Variants in IL1RAPL1 observed in about 807,000 individuals in gnomAD.
The protein encoded by IL1RAPL1 is interleukin 1 receptor accessory protein like 1.
A neutral mutation model predicts 48.4 loss-of-function variants in IL1RAPL1; 3 were observed. The observed-to-expected ratio is 0.06, with a 90% CI of 0.03 to 0.16. The LOEUF (loss-of-function observed/expected upper bound fraction) is 0.16, where lower values mean the gene tolerates loss of function less well. Ranked by LOEUF, IL1RAPL1 falls within the 10% of genes least tolerant of loss-of-function variation. IL1RAPL1 has a pLI of 1.00. For synonymous variants in IL1RAPL1, 185 were observed against 187.7 expected (o/e 0.99, Z 0.12); for missense variants, 349 against 530.6 (o/e 0.66, Z 3.36).
chrX:29,518,192 A>G lies in IL1RAPL1; in HGVS notation c.703+118884A>G, dbSNP rs768679253. ...TGATTTTGGTAGAGCTTAAGCAATA[A>G]ATATGACAGATTACTGCCTTAGAGG... On this transcript the variant is annotated intron_variant, in intron 5 of 10. Coordinates refer to ENST00000378993, the MANE Select transcript of IL1RAPL1 (RefSeq NM_014271.4). 4.3e-3 allele frequency among the ~76,000 whole-genome samples: 483 copies of G among 112,005 alleles called. 4 individuals carry two copies. The highest frequency in any genetic ancestry group is 6.1e-3 in the Non-Finnish European group (325 of 53,198).
intron 2 of IL1RAPL1, among the ~76,000 whole-genome samples, chrX:29,050,714 A>G (rs1927074356): frequency 8.9e-6 from 1 of 112,302 alleles, no homozygotes; most frequent in South Asian, 3.7e-4. Context: ...GCACAATCAC[A>G]ATTTTGTGAA....
chrX:29,633,238 A>C (rs923882348), intron 5 of IL1RAPL1, among the ~76,000 whole-genome samples: 4 of 111,514 alleles, frequency 3.6e-5, no homozygotes, highest in Non-Finnish European at 7.5e-5. Flanking sequence ...TATGTGAAAG[A>C]AGCCAGAAAA....
chrX:29,191,302 ACTTTT>A (rs1054089817), intron 2 of IL1RAPL1, among the ~76,000 whole-genome samples: 4 of 111,902 alleles, frequency 3.6e-5, no homozygotes, highest in African/African-American at 1.3e-4. Flanking sequence ...CTTATCACTT[ACTTTT>A]CTTTTAAGTG....
chrX:29,776,567 C>T (rs759703232), intron 6 of IL1RAPL1, among the ~76,000 whole-genome samples: 1 of 111,708 alleles, frequency 9.0e-6, no homozygotes, highest in African/African-American at 3.2e-5. Context: ...TTATCATTTT[C>T]CACAGTTGGA....
intron 2 of IL1RAPL1, among the ~76,000 whole-genome samples, chrX:29,046,216 TAA>T (rs60842211): frequency 7.8e-5 from 8 of 102,459 alleles, no homozygotes; most frequent in Middle Eastern, 0.01. Context: ...ACTAGCTAAT[TAA>T]AAAAAAAAAA....
intron 2 of IL1RAPL1, among the ~76,000 whole-genome samples, chrX:29,215,246 G>A (rs976236712): frequency 9.1e-6 from 1 of 109,963 alleles, no homozygotes; most frequent in Non-Finnish European, 1.9e-5. Context: ...GGGAGGCTGA[G>A]GCAGGAGAAT....
intron 5 of IL1RAPL1, among the ~76,000 whole-genome samples, chrX:29,524,195 T>G (rs1455306520): frequency 4.4e-5 from 4 of 89,928 alleles, no homozygotes; most frequent in African/African-American, 1.3e-4. Context: ...TTTTTTTTTT[T>G]GCATACTTTG....
At chrX:29,672,370 T>G (rs1926162904) in intron 6 of IL1RAPL1, among the ~76,000 whole-genome samples, 1 of 111,914 alleles carries the variant, frequency 8.9e-6, no homozygotes, top group Non-Finnish European at 1.9e-5. Flanking sequence ...ACAAAATTAA[T>G]AAAAGTATAT....
At chrX:29,017,243 G>A (rs908827592) in intron 2 of IL1RAPL1, among the ~76,000 whole-genome samples, 15 of 112,317 alleles carry the variant, frequency 1.3e-4, no homozygotes, top group Non-Finnish European at 2.3e-4. Context: ...CCACTACCAC[G>A]TATTACGTGT....
intron 5 of IL1RAPL1, among the ~76,000 whole-genome samples, chrX:29,513,084 C>A (rs1935409897): frequency 9.0e-6 from 1 of 111,527 alleles, no homozygotes; most frequent in Non-Finnish European, 1.9e-5. Context: ...TTTCAGTTAC[C>A]AATATCACTA....
chrX:29,376,575 G>C (rs1392049434), intron 3 of IL1RAPL1, among the ~76,000 whole-genome samples: 1 of 110,349 alleles, frequency 9.1e-6, no homozygotes, highest in Non-Finnish European at 1.9e-5. Context: ...GTTTCACCAT[G>C]TCACCCAGGC....
intron 5 of IL1RAPL1, among the ~76,000 whole-genome samples, chrX:29,660,990 G>A (rs1925831322): frequency 8.9e-6 from 1 of 111,803 alleles, no homozygotes; most frequent in African/African-American, 3.2e-5. Context: ...TTTCATTTGT[G>A]TACATCCTCT....
chrX:28,850,141 T>C (rs188812975), intron 2 of IL1RAPL1, among the ~76,000 whole-genome samples: 156 of 112,516 alleles, frequency 1.4e-3, no homozygotes, highest in African/African-American at 4.9e-3. Context: ...TTTCTGCAAA[T>C]TGGAAGTAAA....
chrX:29,070,340 A>T (rs1927540299), intron 2 of IL1RAPL1, among the ~76,000 whole-genome samples: 1 of 111,351 alleles, frequency 9.0e-6, no homozygotes, highest in African/African-American at 3.3e-5. Context: ...TATGAACCTT[A>T]GAGTGTTTAT....
intron 2 of IL1RAPL1, among the ~76,000 whole-genome samples, chrX:29,008,970 C>T (rs1926057300): frequency 1.8e-5 from 2 of 111,000 alleles, no homozygotes; most frequent in Admixed American, 9.5e-5. Flanking sequence ...TGGCTTCCAG[C>T]TGCATCCATG....
At chrX:28,619,465 G>T (rs751862048) in intron 1 of IL1RAPL1, among the ~76,000 whole-genome samples, 1 of 108,799 alleles carries the variant, frequency 9.2e-6, no homozygotes, top group East Asian at 2.9e-4. Flanking sequence ...AAAATTAGCC[G>T]GCATAGTGGC....
intron 2 of IL1RAPL1, among the ~76,000 whole-genome samples, chrX:29,209,903 C>G (rs1930738292): frequency 8.9e-6 from 1 of 111,888 alleles, no homozygotes; most frequent in African/African-American, 3.2e-5. Context: ...GTGGTTGGTT[C>G]CTTTTGTATT....
intron 2 of IL1RAPL1, among the ~76,000 whole-genome samples, chrX:29,039,878 C>G (rs1285824628): frequency 2.7e-5 from 3 of 109,730 alleles, no homozygotes; most frequent in Non-Finnish European, 5.7e-5. Flanking sequence ...ATTTAGCATC[C>G]CTCAGGAGAT....
At chrX:29,770,517 T>A (rs1003568781) in intron 6 of IL1RAPL1, among the ~76,000 whole-genome samples, 61 of 111,995 alleles carry the variant, frequency 5.4e-4, no homozygotes, top group African/African-American at 1.8e-3. Context: ...AATCATAAGC[T>A]CTTTCAAGGA....
Sources: gnomAD v4.1 joint callset for allele counts (sites outside exome capture counted in the v4.1 genomes callset) on GRCh38, gnomAD v4.1.1 for gene constraint, MANE v1.5 for transcripts, NCBI Gene and HGNC (gene_info 2026-07-23, HGNC 2026-07-21) for gene names.